PREPL: variants seen among roughly 807,000 people sequenced by gnomAD.
PREPL encodes prolyl endopeptidase like.
PREPL carries 77 observed loss-of-function variants against 70.6 expected under a neutral mutation model. The ratio of observed to expected loss-of-function variants is 1.09; its 90% CI spans 0.91 to 1.32. The LOEUF is 1.32. Ranked by LOEUF, PREPL falls within the 40% of genes most tolerant of loss-of-function variation. The probability of loss-of-function intolerance (pLI) is 0.00; values close to 1 mark genes in which losing one functional copy is unlikely to be tolerated. For synonymous variants in PREPL, 315 were observed against 264.8 expected (o/e 1.19, Z -1.84); for missense variants, 1,002 against 778.2 (o/e 1.29, Z -3.42).
At position 44,358,485 on chromosome 2, in the gene PREPL, A is replaced by G. The variant is rs138739660; in HGVS notation, c.-49+2895T>C. The stretch of plus-strand genomic sequence containing the variant: ...AATATCATTAAGGAACCTAAGGAAC[A>G]TAAGAAGTAAAAGGTAGGAGAGGGA... On this transcript the variant is annotated intron_variant, in intron 1 of 13. Coordinates refer to ENST00000409411, the MANE Select transcript of PREPL (RefSeq NM_001171613.2). 2.1e-3 allele frequency among the ~76,000 whole-genome samples: 320 copies of G among 152,338 alleles called. 2 individuals carry two copies. Among genetic ancestry groups the G allele is most frequent in the Non-Finnish European group, 3.5e-3 (236 of 68,014 alleles).
chr2:44,353,986 C>A (rs1676735739), intron 1 of PREPL, among the ~76,000 whole-genome samples: 1 of 152,040 alleles, frequency 6.6e-6, no homozygotes, highest in Non-Finnish European at 1.5e-5. Flanking sequence ...CAAAGTGAGA[C>A]CCTGTCTCCA....
chr2:44,354,527 C>T (rs1172743284), intron 1 of PREPL, among the ~76,000 whole-genome samples: 1 of 152,098 alleles, frequency 6.6e-6, no homozygotes, highest in Admixed American at 6.6e-5. Flanking sequence ...TATCCAACTG[C>T]TACTGAAATC....
Position 44,343,782 on chromosome 2 carries a change from G to A in PREPL, c.312C>T (p.Pro104=), listed in dbSNP as rs11542603. 10 of 1,613,896 alleles carry A rather than the reference G, an allele frequency of 6.2e-6. No homozygotes were observed. Among genetic ancestry groups the A allele is most frequent in the East Asian group, 2.2e-5 (1 of 44,862 alleles). ...TCVIIKLSDQ[P]VMEASFPNVS... ...CATTCGGGAAAGAAGCTTCCATTACGGGCTGATCGCTGAGCTTTATAATTA... is the reference window on the plus strand; with the variant it reads ...CATTCGGGAAAGAAGCTTCCATTACAGGCTGATCGCTGAGCTTTATAATTA... The change falls in exon 4 of 14, where the codon CCC becomes CCT. Residue 104 remains proline, a synonymous_variant. Coordinates refer to ENST00000409411, the MANE Select transcript of PREPL (RefSeq NM_001171613.2).
rs1351498218 is a variant in PREPL at position 44,332,338 on chromosome 2, C to A, written c.1086+121G>T. On this transcript the variant is annotated intron_variant, in intron 8 of 13. Transcript: ENST00000409411. ...TATCCCTAAAGTCACTTGGGTATTA[C>A]TGTGGTCTAAGAAATCTACATTAGG... 41 of 821,982 alleles carry A rather than the reference C, an allele frequency of 5.0e-5. No individual in the cohort carries two copies. The East Asian group carries it at 1.0e-3, about 21-fold the overall frequency. The allele number at this position is 821,982 out of a possible 1,614,324, so 50.9% of individuals were successfully genotyped here. A position where few individuals can be genotyped will look rare whatever the true frequency, so the allele number is the denominator to read the frequency against.
At chr2:44,357,049 G>C (rs1166797310) in intron 1 of PREPL, among the ~76,000 whole-genome samples, 1 of 152,188 alleles carries the variant, frequency 6.6e-6, no homozygotes, top group East Asian at 1.9e-4. Flanking sequence ...CGGACAATCT[G>C]CTCGCCTTGG....
chr2:44,355,864 A>C (rs757785255), intron 1 of PREPL, among the ~76,000 whole-genome samples: 48 of 151,664 alleles, frequency 3.2e-4, no homozygotes, highest in Non-Finnish European at 5.9e-4. Flanking sequence ...TGTTTAACCA[A>C]AGGATTTAGT....
At chr2:44,352,502 T>A (rs145497365) in intron 1 of PREPL, among the ~76,000 whole-genome samples, 2 of 152,166 alleles carry the variant, frequency 1.3e-5, no homozygotes, top group African/African-American at 4.8e-5. Flanking sequence ...GCTCAAGCAA[T>A]GAGCCCACCT....
chr2:44,353,572 A>T (rs1386161413), intron 1 of PREPL, among the ~76,000 whole-genome samples: 2 of 151,884 alleles, frequency 1.3e-5, no homozygotes, highest in Non-Finnish European at 2.9e-5. Flanking sequence ...TGGGCGACAG[A>T]GCGAGACTCC....
intron 8 of PREPL, among the ~76,000 whole-genome samples, chr2:44,331,887 T>G (rs1674135248): frequency 6.6e-6 from 1 of 152,124 alleles, no homozygotes; most frequent in African/African-American, 2.4e-5. Context: ...TAAAATCAAC[T>G]TTAAAAAATC....
At position 44,318,441 on chromosome 2, in the gene PREPL, T is replaced by C. The variant is rs1672621764; in HGVS notation, c.*2915A>G. ...CACAAGAAATGATTTAAATATTTTA[T>C]CAACAGAAAACCAGTTCTATCAACT... On this transcript the variant is annotated 3_prime_UTR_variant, in exon 14 of 14. Transcript: ENST00000409411. 1 of 176,380 alleles carries C rather than the reference T, an allele frequency of 5.7e-6. No homozygotes were observed. The highest frequency in any genetic ancestry group is 5.9e-5 in the Admixed American group (1 of 17,028). 10.9% of individuals were successfully genotyped at this position (176,380 alleles called of 1,614,324 possible).
intron 8 of PREPL, among the ~76,000 whole-genome samples, chr2:44,329,644 C>A (rs1242250375): frequency 6.6e-6 from 1 of 152,096 alleles, no homozygotes; most frequent in Non-Finnish European, 1.5e-5. Flanking sequence ...CCACAATCCT[C>A]TTCAAAGGCC....
intron 1 of PREPL, among the ~76,000 whole-genome samples, chr2:44,352,908 A>G (rs940070302): frequency 6.6e-6 from 1 of 152,186 alleles, no homozygotes; most frequent in Admixed American, 6.5e-5. Context: ...AAAGACAAGA[A>G]TAGGCATTCA....
intron 8 of PREPL, among the ~76,000 whole-genome samples, chr2:44,331,586 A>C (rs1413764788): frequency 2.0e-5 from 3 of 152,032 alleles, no homozygotes; most frequent in Non-Finnish European, 4.4e-5. Context: ...TCTCCTTTCT[A>C]GTTTACTCTT....
chr2:44,331,508 C>T (rs889698755), intron 8 of PREPL, among the ~76,000 whole-genome samples: 1 of 152,014 alleles, frequency 6.6e-6, no homozygotes, highest in African/African-American at 2.4e-5. Context: ...GCCCGGCCAG[C>T]CCTACACTTC....
Position 44,320,647 on chromosome 2 carries a change from TATGAAGAG to T in PREPL, c.*701_*708del. On this transcript the variant is annotated 3_prime_UTR_variant, in exon 14 of 14. Coordinates refer to ENST00000409411, the MANE Select transcript of PREPL (RefSeq NM_001171613.2). ...CTGTATACCTCGTGTTAGGCACCTT[TATGAAGAG>T]ATGAAGACACTGGCATTTCAGTGGG... is the stretch of plus-strand genomic sequence containing the variant. The T allele has an allele frequency of 6.2e-7, 1 of 1,608,176 alleles. No homozygotes were observed. The highest frequency in any genetic ancestry group is 8.5e-7 in the Non-Finnish European group (1 of 1,174,726).
Position 44,322,260 on chromosome 2 carries a change from AT to A in PREPL, c.1754-361del, listed in dbSNP as rs1024190200. On this transcript the variant is annotated intron_variant, in intron 12 of 13. Transcript: ENST00000409411. ...TGGAGATGAATACAGGGAGACTGAT[AT>A]GGCATGTAGTTTCAAGGCAAAAGGG... is the stretch of plus-strand genomic sequence containing the variant. Among the ~76,000 whole-genome samples the A allele has an allele frequency of 1.5e-4, 23 of 152,272 alleles. No homozygotes were observed. The South Asian group carries it at 1.7e-3, about 11-fold the overall frequency.
Position 44,343,726 on chromosome 2 carries a change from A to G in PREPL, c.349+19T>C. On this transcript the variant is annotated intron_variant, in intron 4 of 13. Coordinates refer to ENST00000409411, the MANE Select transcript of PREPL (RefSeq NM_001171613.2). ...CCGTTGCCTTTCAACACAGAGGACT[A>G]TTTTGGTTGGTGGCTTACCAAAACT... 1 of 1,596,034 alleles carries G rather than the reference A, an allele frequency of 6.3e-7. No homozygotes were observed.
chr2:44,338,888 G>T (rs6721675), intron 6 of PREPL, among the ~76,000 whole-genome samples: 6 of 152,044 alleles, frequency 3.9e-5, no homozygotes, highest in Non-Finnish European at 8.8e-5. Context: ...TCACGAGTTT[G>T]TAAGTTTGCT....
chr2:44,318,872 G>A lies in PREPL; in HGVS notation c.*2484C>T, dbSNP rs774262334. 10 of 152,132 alleles carry A rather than the reference G, an allele frequency of 6.6e-5. No homozygotes were observed. Among genetic ancestry groups the A allele is most frequent in the African/African-American group, 2.4e-4 (10 of 41,438 alleles). The allele number at this position is 152,132 out of a possible 1,614,324, so 9.4% of individuals were successfully genotyped here. A position where few individuals can be genotyped will look rare whatever the true frequency, so the allele number is the denominator to read the frequency against. On this transcript the variant is annotated 3_prime_UTR_variant, in exon 14 of 14. Transcript: ENST00000409411. The stretch of plus-strand genomic sequence containing the variant: ...GATAAAACATTCCACCAAAAATCAT[G>A]ACTACGCATCTAACAGCTTCAAAAT...
Sources: allele counts gnomAD v4.1 joint callset (sites outside exome capture counted in the v4.1 genomes callset), GRCh38; gene constraint gnomAD v4.1.1; transcripts MANE v1.5; gene names NCBI Gene and HGNC (gene_info 2026-07-23, HGNC 2026-07-21).